Variants in XK observed in about 807,000 individuals in gnomAD.
The protein encoded by XK is X-linked Kx blood group antigen, Kell and VPS13A binding protein, also known as endoplasmic reticulum membrane adapter protein XK.
XK carries 2 observed loss-of-function variants against 14.0 expected under a neutral mutation model. The observed-to-expected ratio is 0.14, with a 90% CI of 0.06 to 0.45. XK has a LOEUF of 0.45. XK is among the 20% of genes least tolerant of loss of function. The pLI, the probability that XK is intolerant of heterozygous loss-of-function variation, is 0.98. For synonymous variants in XK, 149 were observed against 147.5 expected (o/e 1.01, Z -0.08); for missense variants, 235 against 341.5 (o/e 0.69, Z 2.46).
intron 2 of XK, among the ~76,000 whole-genome samples, chrX:37,701,058 C>G (rs782337629): frequency 8.9e-6 from 1 of 112,071 alleles, no homozygotes; most frequent in African/African-American, 3.2e-5. Context: ...TTCTTCTGTC[C>G]TCTTGTGGAC....
chrX:37,686,299 C>T, intron 1 of XK, 93 bp downstream of exon 1: 4 of 1,153,886 alleles, frequency 3.5e-6, no homozygotes, highest in Non-Finnish European at 4.6e-6. Context: ...GGCGGTTTTC[C>T]TGTGGAGACA....
At chrX:37,706,677 G>T (rs989580595) in intron 2 of XK, among the ~76,000 whole-genome samples, 1 of 107,755 alleles carries the variant, frequency 9.3e-6, no homozygotes, top group East Asian at 2.9e-4. Flanking sequence ...GGTGTTTCTC[G>T]CAGAGGGGGA....
rs28940593 is a variant in XK, at chrX:37,686,111, C to T, written c.150C>T (p.Leu50=). Residue 50 remains leucine (L), a synonymous_variant, in exon 1 of 3, where the codon CTC becomes CTT. Coordinates refer to ENST00000378616, the MANE Select transcript of XK (RefSeq NM_021083.4). ...TTTTCTCGCTACTGCCTTGCGCGCT[C>T]GTGCAGCTCACGCTTCTCTTCGTAC... The part of the protein sequence containing the change: ...TLLFSLLPCA[L]VQLTLLFVHR... 2.7e-3 allele frequency: 3,288 copies of T among 1,210,630 alleles called. 47 individuals are homozygous for T. In the African/African-American group the frequency reaches 0.049, roughly 18 times the overall value.
chrX:37,702,913 T>G (rs1927442129), intron 2 of XK, among the ~76,000 whole-genome samples: 1 of 112,436 alleles, frequency 8.9e-6, no homozygotes, highest in Non-Finnish European at 1.9e-5. Context: ...TGAACTGATA[T>G]GTGGTTGTAT....
chrX:37,690,231 A>G (rs1927177756), intron 1 of XK, among the ~76,000 whole-genome samples: 2 of 111,728 alleles, frequency 1.8e-5, no homozygotes, highest in African/African-American at 3.3e-5. Flanking sequence ...GTTAACTGTC[A>G]TTATCTTATT....
chrX:37,687,226 C>T (rs868910832), intron 1 of XK, among the ~76,000 whole-genome samples: 2 of 106,416 alleles, frequency 1.9e-5, no homozygotes, highest in African/African-American at 7.0e-5. Context: ...CACACACACA[C>T]GCACACACAC....
At chrX:37,714,545 T>G (rs1927726099) in intron 2 of XK, among the ~76,000 whole-genome samples, 1 of 111,008 alleles carries the variant, frequency 9.0e-6, no homozygotes, top group South Asian at 3.8e-4. Flanking sequence ...CAGAAGAGAA[T>G]AGGATCTTCT....
Position 37,728,339 on chromosome X carries a change from CT to C in XK, c.1213del (p.Cys405ValfsTer4). On this transcript the variant is annotated frameshift_variant, in exon 3 of 3. Coordinates refer to ENST00000378616, the MANE Select transcript of XK (RefSeq NM_021083.4). LOFTEE classifies it low-confidence loss of function (END_TRUNC). ...FCWACRQQKP[C>X]EPIGKEDLQS... ...GCTGGGCCTGCAGGCAGCAAAAACCCTGTGAGCCGATAGGAAAGGAAGATCT... is the reference window on the plus strand; with the variant it reads ...GCTGGGCCTGCAGGCAGCAAAAACCCGTGAGCCGATAGGAAAGGAAGATCT... The C allele has an allele frequency of 8.3e-7, 1 of 1,210,465 alleles. No homozygotes were observed. The highest frequency in any genetic ancestry group is 1.1e-6 in the Non-Finnish European group (1 of 895,256).
At chrX:37,709,941 A>G (rs887889982) in intron 2 of XK, among the ~76,000 whole-genome samples, 5 of 112,059 alleles carry the variant, frequency 4.5e-5, no homozygotes, top group African/African-American at 1.6e-4. Flanking sequence ...AAGAGTGAAC[A>G]CAAAATCAGA....
chrX:37,724,157 A>T (rs1433055497), intron 2 of XK, among the ~76,000 whole-genome samples: 2 of 111,776 alleles, frequency 1.8e-5, no homozygotes, highest in African/African-American at 6.5e-5. Flanking sequence ...TTTTATGTCT[A>T]ATTATAGATG....
At chrX:37,718,688 A>C (rs374643784) in intron 2 of XK, among the ~76,000 whole-genome samples, 1 of 111,946 alleles carries the variant, frequency 8.9e-6, no homozygotes, top group Non-Finnish European at 1.9e-5. Flanking sequence ...TCCCATAAGC[A>C]GTGTATGAGA....
chrX:37,722,475 A>C (rs1402725520), intron 2 of XK, among the ~76,000 whole-genome samples: 1 of 111,121 alleles, frequency 9.0e-6, no homozygotes, highest in Admixed American at 9.6e-5. Flanking sequence ...CGTAAGAAAG[A>C]CTCTTTGTTC....
intron 1 of XK, among the ~76,000 whole-genome samples, chrX:37,687,223 A>ACG: frequency 9.4e-6 from 1 of 106,646 alleles, no homozygotes; most frequent in African/African-American, 3.5e-5. Context: ...ACACACACAC[A>ACG]CACGCACACA....
intron 2 of XK, among the ~76,000 whole-genome samples, chrX:37,717,666 T>C (rs186113187): frequency 9.0e-6 from 1 of 111,522 alleles, no homozygotes; most frequent in East Asian, 2.8e-4. Context: ...TGATGGGCCA[T>C]AGTATTTGTT....
intron 2 of XK, 44 bp downstream of exon 2, chrX:37,694,592 G>A (rs1046000896): frequency 1.3e-5 from 15 of 1,172,373 alleles, no homozygotes; most frequent in Non-Finnish European, 1.7e-5. Flanking sequence ...GGATCAAAAT[G>A]AGAAGCAAAA....
chrX:37,706,233 T>G (rs1350510258), intron 2 of XK, among the ~76,000 whole-genome samples: 1 of 111,862 alleles, frequency 8.9e-6, no homozygotes, highest in East Asian at 2.8e-4. Context: ...CATGAGTGAC[T>G]GAGTACATGA....
In XK at chrX:37,694,460, G is replaced by A. The variant is rs147126623; in HGVS notation, c.420G>A (p.Ser140=). 157 of 1,189,519 alleles carry A rather than the reference G, an allele frequency of 1.3e-4. No homozygotes were observed. Among genetic ancestry groups the A allele is most frequent in the Middle Eastern group, 2.3e-4 (1 of 4,317 alleles). ...ACCGATCAGCGTTCAGCCGGGCGTC[G>A]GTGATCCAGGCTTTCTTGGGCTCAG... ...ITHRSAFSRA[S]VIQAFLGSAP... Residue 140 remains serine, a synonymous_variant, in exon 2 of 3, where the codon TCG becomes TCA. Transcript: ENST00000378616.
intron 2 of XK, among the ~76,000 whole-genome samples, chrX:37,722,424 T>C (rs1927894707): frequency 8.9e-6 from 1 of 111,747 alleles, no homozygotes; most frequent in East Asian, 2.8e-4. Context: ...AGGAGGCAAG[T>C]GATAGAGTGT....
intron 2 of XK, among the ~76,000 whole-genome samples, chrX:37,705,297 A>C (rs1434552727): frequency 1.8e-5 from 2 of 109,742 alleles, no homozygotes; most frequent in African/African-American, 6.6e-5. Flanking sequence ...TACAAAAAAA[A>C]AAAAATTAGC....
Sources: allele counts gnomAD v4.1 joint callset (sites outside exome capture counted in the v4.1 genomes callset), GRCh38; gene constraint gnomAD v4.1.1; transcripts MANE v1.5; gene names NCBI Gene and HGNC (gene_info 2026-07-23, HGNC 2026-07-21).